The following PLXND1 variants were observed in gnomAD, a reference collection of about 807,000 sequenced individuals.
The protein encoded by PLXND1 is plexin-D1.
PLXND1 carries 54 observed loss-of-function variants against 197.7 expected under a neutral mutation model. The observed-to-expected ratio is 0.27, with a 90% confidence interval of 0.22 to 0.34. PLXND1 has a LOEUF of 0.34. Among genes scored for constraint, PLXND1 ranks in the 10% least tolerant of loss-of-function variants. The pLI is 1.00. For synonymous variants in PLXND1, 1,180 were observed against 1,161.2 expected, an observed-to-expected ratio of 1.02 and a Z score of -0.33; for missense variants, 2,127 against 2,699.2, an observed-to-expected ratio of 0.79 and a Z score of 4.70.
chr3:129,579,174 A>G (rs2085354476), intron 8 of PLXND1, among the ~76,000 whole-genome samples: 1 of 151,536 alleles, frequency 6.6e-6, no homozygotes, highest in South Asian at 2.1e-4. Context: ...GGAGGGAGGG[A>G]AGGAAAGAAG....
intron 1 of PLXND1, among the ~76,000 whole-genome samples, chr3:129,595,921 G>GCACACACACACA (rs57098603): frequency 0.035 from 5,068 of 146,440 alleles, 93 homozygotes; most frequent in African/African-American, 0.048. Flanking sequence ...GTGCACGCAC[G>GCACACACACACA]CACACACACA....
In PLXND1 at chr3:129,572,992, C is replaced by T. The variant is rs529144267; in HGVS notation, c.2838-51G>A. 3.7e-6 allele frequency: 5 copies of T among 1,343,694 alleles called. No homozygotes were observed. In the Admixed American group the frequency reaches 7.0e-5, roughly 19 times the overall value. 83.2% of individuals were successfully genotyped at this position (1,343,694 alleles called of 1,614,324 possible). A position where few individuals can be genotyped will look rare whatever the true frequency, so the allele number is the denominator to read the frequency against. ...AGCGGTCCTTGGCCCCCACGGCCACCCTAGAGCCAGGCTCAGGGATCGCCC... is the reference window on the plus strand; with the variant it reads ...AGCGGTCCTTGGCCCCCACGGCCACTCTAGAGCCAGGCTCAGGGATCGCCC... On this transcript the variant is annotated intron_variant, in intron 13 of 35. Coordinates refer to ENST00000324093, the MANE Select transcript of PLXND1 (RefSeq NM_015103.3).
chr3:129,606,011 C>A lies in PLXND1; in HGVS notation c.629G>T (p.Gly210Val), dbSNP rs776168438. 5.0e-6 allele frequency: 8 copies of A among 1,608,110 alleles called. No individual in the cohort carries two copies. Among genetic ancestry groups the A allele is most frequent in the Non-Finnish European group, 6.8e-6 (8 of 1,178,870 alleles). Reference sequence around the variant, plus strand: ...GCTGCCGTAACCGGTGTACGTGGCGCCCACGAGCAGGCGGCTGCCCCCCGC... The same window carrying A: ...GCTGCCGTAACCGGTGTACGTGGCGACCACGAGCAGGCGGCTGCCCCCCGC... ...AGAGGSRLLV[G>V]ATYTGYGSSF... Residue 210 changes from glycine to valine, a missense_variant, in exon 1 of 36, where the codon GGC (glycine) becomes GTC (valine). This residue lies in a region of PLXND1 where 1,095 missense variants were observed against 1,259.8 expected (regional missense o/e 0.87). Transcript: ENST00000324093.
chr3:129,584,606 C>A, intron 5 of PLXND1, 44 bp from the exon 6 acceptor site: 2 of 1,543,320 alleles, frequency 1.3e-6, no homozygotes, highest in Non-Finnish European at 8.8e-7. Context: ...AGGCTATGCT[C>A]CTCACAGCCT....
intron 2 of PLXND1, 44 bp downstream of exon 2, chr3:129,589,307 G>GCGGGCCCCCCCCCCCCCCCCCCCC: frequency 1.5e-6 from 1 of 684,692 alleles, no homozygotes; most frequent in Non-Finnish European, 2.6e-6. Flanking sequence ...TCCCAGGGGA[G>GCGGGCCCCCCCCCCCCCCCCCCCC]CCTCCCACCC....
chr3:129,563,602 CTG>C (rs1250097128), intron 25 of PLXND1, among the ~76,000 whole-genome samples: 1 of 152,222 alleles, frequency 6.6e-6, no homozygotes, highest in East Asian at 1.9e-4. Context: ...ACTCCCAAGC[CTG>C]TGACTTTCTA....
chr3:129,592,630 G>A (rs1032660205), intron 1 of PLXND1, among the ~76,000 whole-genome samples: 3 of 124,894 alleles, frequency 2.4e-5, no homozygotes, highest in Non-Finnish European at 5.1e-5. Flanking sequence ...CCCCCACCCC[G>A]CGCTGACTTT....
chr3:129,589,320 A>ACCCCCCACCCCACC, intron 2 of PLXND1, 31 bp downstream of exon 2: 1 of 343,182 alleles, frequency 2.9e-6, no homozygotes, highest in Non-Finnish European at 5.5e-6. Flanking sequence ...TCCCACCCCC[A>ACCCCCCACCCCACC]CCCCCTCCCC....
intron 22 of PLXND1, 31 bp from the exon 23 acceptor site, chr3:129,566,662 GGGCTGGACACCCCCT>G (rs2085146036): frequency 3.7e-6 from 5 of 1,363,492 alleles, no homozygotes; most frequent in Non-Finnish European, 5.2e-6. Context: ...CATCTCAGCG[GGGCTGGACACCCCCT>G]GCTGGCATGG....
rs559075891 is a variant in PLXND1 at position 129,563,764 on chromosome 3, G to A, written c.4522-524C>T. On this transcript the variant is annotated intron_variant, in intron 25 of 35. Transcript: ENST00000324093. Reference sequence around the variant, plus strand: ...CCCATCTCCAAGGGTGGCCCTCCAGGCAGTGGCTCTGCTGGACCCACAGCC... The same window carrying A: ...CCCATCTCCAAGGGTGGCCCTCCAGACAGTGGCTCTGCTGGACCCACAGCC... 2.0e-5 allele frequency among the ~76,000 whole-genome samples: 3 copies of A among 152,350 alleles called. No individual in the cohort carries two copies. In the East Asian group the frequency reaches 5.8e-4, roughly 29 times the overall value.
In PLXND1 at chr3:129,557,064, C is replaced by T. The variant is rs757579010; in HGVS notation, c.5586+19G>A. On this transcript the variant is annotated intron_variant, in intron 34 of 35. Coordinates refer to ENST00000324093, the MANE Select transcript of PLXND1 (RefSeq NM_015103.3). This position sits in a 1 kb window ranked among gnomAD's most constrained non-coding sequence, Gnocchi z 4.8. ...CTCAGCTCTTCAGGCCCCCATCCCC[C>T]GCCGCCGAGCCACCGCACCCTCGAC... 3.2e-5 allele frequency: 51 copies of T among 1,612,632 alleles called. No individual in the cohort carries two copies. The East Asian group carries it at 5.4e-4, about 17-fold the overall frequency.
intron 1 of PLXND1, among the ~76,000 whole-genome samples, chr3:129,598,959 A>G (rs568461339): frequency 6.6e-6 from 1 of 152,328 alleles, no homozygotes; most frequent in Non-Finnish European, 1.5e-5. Flanking sequence ...AAGGGCTAAC[A>G]CAGAGAAAGT....
chr3:129,583,552 C>G lies in PLXND1; in HGVS notation c.2241+15G>C. On this transcript the variant is annotated intron_variant, in intron 8 of 35. Coordinates refer to ENST00000324093, the MANE Select transcript of PLXND1 (RefSeq NM_015103.3). The stretch of plus-strand genomic sequence containing the variant: ...TGAAACAGCAGAGGCGGAGGGGCCC[C>G]CTAGCCTGGCTTACCGTGGGGTTTG... 1 of 1,588,174 alleles carries G rather than the reference C, an allele frequency of 6.3e-7. No individual in the cohort carries two copies. Among genetic ancestry groups the G allele is most frequent in the African/African-American group, 1.3e-5 (1 of 74,190 alleles).
Position 129,586,623 on chromosome 3 carries a change from C to A in PLXND1, c.1585G>T (p.Asp529Tyr). The change falls in exon 3 of 36, where the codon GAC becomes TAC. Residue 529 changes from aspartate (D) to tyrosine (Y), a missense_variant. Asp to Tyr is a radical substitution (Grantham distance 160, BLOSUM62 -3). Coordinates refer to ENST00000324093, the MANE Select transcript of PLXND1 (RefSeq NM_015103.3). ...GTCATCAGGTAAAGGTAACCGGAGTCTGCTGGGTCAAACTGCATGACATGG... is the reference window on the plus strand; with the variant it reads ...GTCATCAGGTAAAGGTAACCGGAGTATGCTGGGTCAAACTGCATGACATGG... ...VHHVMQFDPA[D>Y]SGYLYLMTSH... is the part of the protein sequence containing the mutation. The A allele has an allele frequency of 6.3e-7, 1 of 1,575,478 alleles. No homozygotes were observed. Among genetic ancestry groups the A allele is most frequent in the Non-Finnish European group, 8.6e-7 (1 of 1,160,006 alleles).
At chr3:129,589,313 C>CACCCCCCCCCCCCCCCCCCA in intron 2 of PLXND1, 38 bp downstream of exon 2, 1 of 592,308 alleles carries the variant, frequency 1.7e-6, no homozygotes. Context: ...GGGAGCCTCC[C>CACCCCCCCCCCCCCCCCCCA]ACCCCCACCC....
At chr3:129,603,538 C>A (rs1343081480) in intron 1 of PLXND1, among the ~76,000 whole-genome samples, 1 of 152,124 alleles carries the variant, frequency 6.6e-6, no homozygotes. Context: ...CAGTTGCCTG[C>A]GAGATGAAGC....
rs370686215 is a variant in PLXND1 at position 129,571,634 on chromosome 3, C to A, written c.3246-35G>T. The A allele has an allele frequency of 5.0e-6, 8 of 1,613,628 alleles. No individual in the cohort carries two copies. The South Asian group carries it at 8.8e-5, about 18-fold the overall frequency. On this transcript the variant is annotated intron_variant, in intron 16 of 35. Coordinates refer to ENST00000324093, the MANE Select transcript of PLXND1 (RefSeq NM_015103.3). ...ACAGCAAAACCTATCAGTGCACCTGCAGCCCCAGAGAGCCTGGGGGAAGGG... is the reference window on the plus strand; with the variant it reads ...ACAGCAAAACCTATCAGTGCACCTGAAGCCCCAGAGAGCCTGGGGGAAGGG...
intron 1 of PLXND1, among the ~76,000 whole-genome samples, chr3:129,593,796 G>C (rs2085580834): frequency 6.6e-6 from 1 of 152,166 alleles, no homozygotes; most frequent in South Asian, 2.1e-4. Context: ...GCTAGCTTCA[G>C]TTCCTGTAAA....
Position 129,606,028 on chromosome 3 carries a change from G to C in PLXND1, c.612C>G (p.Gly204=). 6.3e-7 allele frequency: 1 copy of C among 1,598,938 alleles called. No individual in the cohort carries two copies. Among genetic ancestry groups the C allele is most frequent in the Non-Finnish European group, 8.5e-7 (1 of 1,175,682 alleles). ...ACGTGGCGCCCACGAGCAGGCGGCT[G>C]CCCCCCGCGCCCGCGGCGGGAGGCA... is the stretch of plus-strand genomic sequence containing the variant. ...LVLPPAAGAG[G]SRLLVGATYT... is the part of the protein sequence containing the mutation. Residue 204 remains glycine (G), a synonymous_variant, in exon 1 of 36, where the codon GGC becomes GGG. Transcript: ENST00000324093.
Sources: gnomAD v4.1 joint callset for allele counts (sites outside exome capture counted in the v4.1 genomes callset) on GRCh38, gnomAD v4.1.1 for gene constraint, gnomAD v4.1.1 regional missense constraint, Gnocchi (gnomAD v3.1) non-coding constraint, MANE v1.5 for transcripts, NCBI Gene and HGNC (gene_info 2026-07-23, HGNC 2026-07-21) for gene names.